The following NECTIN1 variants were observed in gnomAD, a reference collection of about 807,000 sequenced individuals.
NECTIN1 encodes nectin cell adhesion molecule 1, also known as nectin-1.
Under a neutral mutation model 48.0 loss-of-function variants are expected in NECTIN1, and 23 were observed. The ratio of observed to expected loss-of-function variants is 0.48; its 90% CI spans 0.34 to 0.68. NECTIN1 has a LOEUF of 0.68. NECTIN1 is among the 30% of genes least tolerant of loss of function. NECTIN1 has a pLI of 0.01. For missense variants in NECTIN1, 591 were observed against 709.9 expected, an observed-to-expected ratio of 0.83 and a Z score of 1.90; for synonymous variants, 270 against 288.9, an observed-to-expected ratio of 0.93 and a Z score of 0.66.
chr11:119,702,713 A>C (rs1337957943), intron 1 of NECTIN1, among the ~76,000 whole-genome samples: 1 of 152,096 alleles, frequency 6.6e-6, no homozygotes, highest in Non-Finnish European at 1.5e-5. Context: ...GAGAATAATC[A>C]CTCCCTCAAA....
At chr11:119,701,274 C>T (rs139485302) in intron 1 of NECTIN1, among the ~76,000 whole-genome samples, 71 of 152,276 alleles carry the variant, frequency 4.7e-4, no homozygotes, top group African/African-American at 1.7e-3. Flanking sequence ...CAGAACCTTC[C>T]AGAGCTTTAC....
rs367791177 is a variant in NECTIN1 at position 119,677,761 on chromosome 11, T to C, written c.527A>G (p.Asn176Ser). 70 of 1,613,970 alleles carry C rather than the reference T, an allele frequency of 4.3e-5. No individual in the cohort carries two copies. Among genetic ancestry groups the C allele is most frequent in the Non-Finnish European group, 5.8e-5 (68 of 1,180,008 alleles). Residue 176 changes from asparagine (N) to serine (S), a missense_variant, in exon 3 of 6, where the codon AAT (asparagine) becomes AGT (serine). Asn to Ser is a conservative substitution (Grantham distance 46). Transcript: ENST00000264025. The surrounding 1 kb of genome is among the most constrained non-coding windows in gnomAD (Gnocchi z 5.4). ...GGATACCACACTGGGAGGCTTCCCATTGGCTGAGGTGCAGGTGGCCACCAG... is the reference window on the plus strand; with the variant it reads ...GGATACCACACTGGGAGGCTTCCCACTGGCTGAGGTGCAGGTGGCCACCAG... ...KVLVATCTSANGKPPSVVSWE... is the reference protein window; with the variant it reads ...KVLVATCTSASGKPPSVVSWE...
chr11:119,684,050 C>T lies in NECTIN1; in HGVS notation c.80-5285G>A, dbSNP rs114484687. On this transcript the variant is annotated intron_variant, in intron 1 of 5. Transcript: ENST00000264025. This position sits in a 1 kb window ranked among gnomAD's most constrained non-coding sequence, Gnocchi z 5.2. ...GGCCCTGCCTGCCATGGAGCTCATC[C>T]GCAAGCCAGTGCCACAGGTTCCCAC... Among the ~76,000 whole-genome samples, 530 of 152,332 alleles carry T rather than the reference C, an allele frequency of 3.5e-3. 4 individuals carry two copies. The highest frequency in any genetic ancestry group is 0.012 in the East Asian group (64 of 5,178).
intron 5 of NECTIN1, among the ~76,000 whole-genome samples, chr11:119,644,102 C>T (rs1046676759): frequency 2.6e-5 from 4 of 152,204 alleles, no homozygotes; most frequent in Admixed American, 1.3e-4. Flanking sequence ...TGGCTCACGC[C>T]GCAAGGATGG....
Position 119,728,597 on chromosome 11 carries a change from C to T in NECTIN1, c.-44G>A, listed in dbSNP as rs746044015. 1.4e-6 allele frequency: 2 copies of T among 1,386,024 alleles called. No individual in the cohort carries two copies. The highest frequency in any genetic ancestry group is 2.7e-5 in the South Asian group (2 of 74,492). The allele number at this position is 1,386,024 out of a possible 1,614,324, so 85.9% of individuals were successfully genotyped here. On this transcript the variant is annotated 5_prime_UTR_variant, in exon 1 of 6. Transcript: ENST00000264025. Reference sequence around the variant, plus strand: ...CGAGAGGGGCGGCGAGGGCAGCGCTCCTCGCGCAGCAGAAACCAGCCCGGA... The same window carrying T: ...CGAGAGGGGCGGCGAGGGCAGCGCTTCTCGCGCAGCAGAAACCAGCCCGGA...
At position 119,664,936 on chromosome 11, in the gene NECTIN1, G is replaced by A. The variant is rs754631670; in HGVS notation, c.1365C>T (p.Gly455=). 6.2e-7 allele frequency: 1 copy of A among 1,613,540 alleles called. No homozygotes were observed. The highest frequency in any genetic ancestry group is 1.7e-5 in the Admixed American group (1 of 59,950). The change falls in exon 6 of 6, where the codon GGC becomes GGT. Residue 455 remains glycine, a synonymous_variant. Coordinates refer to ENST00000264025, the MANE Select transcript of NECTIN1 (RefSeq NM_002855.5). ...CGTCCTCGTCATATTTGGGGTGGGG[G>A]CCGCCCACCTTGCGCTCGCCCCCTC... ...GGGGGERKVG[G]PHPKYDEDAK...
intron 5 of NECTIN1, chr11:119,641,868 ACCC>A (rs1864331327): frequency 6.8e-6 from 1 of 146,510 alleles, no homozygotes; most frequent in Admixed American, 6.8e-5. Context: ...GACTACAGGG[ACCC>A]GCCACCAGGC....
chr11:119,679,030 A>C (rs1865014048), intron 1 of NECTIN1, among the ~76,000 whole-genome samples: 1 of 152,236 alleles, frequency 6.6e-6, no homozygotes, highest in African/African-American at 2.4e-5. Flanking sequence ...ATATCCACAT[A>C]ACCATCTATC....
intron 1 of NECTIN1, among the ~76,000 whole-genome samples, chr11:119,690,763 G>A (rs1458913365): frequency 6.6e-6 from 1 of 152,182 alleles, no homozygotes; most frequent in Non-Finnish European, 1.5e-5. Flanking sequence ...GGTGGGGCCT[G>A]GGGTGGGGAG....
chr11:119,664,733 C>T lies in NECTIN1; in HGVS notation c.*14G>A, dbSNP rs751669551. 6.2e-7 allele frequency: 1 copy of T among 1,600,080 alleles called. No homozygotes were observed. Among genetic ancestry groups the T allele is most frequent in the African/African-American group, 1.3e-5 (1 of 74,708 alleles). On this transcript the variant is annotated 3_prime_UTR_variant, in exon 6 of 6. Transcript: ENST00000264025. ...GGGGAGGAGCGGTCACAGACAGAGG[C>T]TCTGGAAGGGGGGCTACACGTACCA...
At chr11:119,692,316 C>T (rs886234542) in intron 1 of NECTIN1, among the ~76,000 whole-genome samples, 2 of 152,244 alleles carry the variant, frequency 1.3e-5, no homozygotes, top group African/African-American at 4.8e-5. Flanking sequence ...CCTCGGTGGC[C>T]ACCTGCTTCC....
At chr11:119,658,059 G>A (rs1282918897), downstream of NECTIN1, among the ~76,000 whole-genome samples, 2 of 152,000 alleles carry the variant, frequency 1.3e-5, no homozygotes, top group African/African-American at 2.4e-5. Context: ...AGTTCTCTGC[G>A]CTCAATGGGG....
chr11:119,638,717 T>C, intron 7 of NECTIN1: 1 of 1,611,628 alleles, frequency 6.2e-7, no homozygotes, highest in East Asian at 2.2e-5. Flanking sequence ...TGTCCTCTGC[T>C]GCCTCAGGCC....
chr11:119,651,198 G>A (rs563932065), intron 5 of NECTIN1, among the ~76,000 whole-genome samples: 12 of 152,260 alleles, frequency 7.9e-5, no homozygotes, highest in South Asian at 2.1e-4. Context: ...TGTTTCAGAG[G>A]GAGAGCCTTC....
At chr11:119,642,181 CCGGG>C (rs10597946) in intron 5 of NECTIN1, 151,651 of 152,196 alleles carry the variant, frequency 1, 75,554 homozygotes, top group Middle Eastern at 1. Context: ...AGAGGGTCCA[CCGGG>C]CGGGCCTCTG....
chr11:119,659,088 C>T (rs1438555538), downstream of NECTIN1: 1 of 152,238 alleles, frequency 6.6e-6, no homozygotes, highest in Non-Finnish European at 1.5e-5. Context: ...TCCTCCCAAA[C>T]ACAATGACCC....
At chr11:119,702,631 T>A (rs1865477297) in intron 1 of NECTIN1, among the ~76,000 whole-genome samples, 2 of 152,216 alleles carry the variant, frequency 1.3e-5, no homozygotes, top group Non-Finnish European at 2.9e-5. Flanking sequence ...GACTCCAGGC[T>A]CCTGGGTTCA....
intron 1 of NECTIN1, among the ~76,000 whole-genome samples, chr11:119,693,372 C>G (rs752466890): frequency 6.6e-6 from 1 of 152,194 alleles, no homozygotes; most frequent in Non-Finnish European, 1.5e-5. Flanking sequence ...GACAGCTGCA[C>G]GCATCAAGCA....
At chr11:119,657,774 A>ATAATAATAATAATAATAC (rs1307590815), downstream of NECTIN1, among the ~76,000 whole-genome samples, 21 of 146,998 alleles carry the variant, frequency 1.4e-4, no homozygotes, top group African/African-American at 5.2e-4. Context: ...AATAATAATA[A>ATAATAATAATAATAATAC]TACTAGCTGG....
Sources: allele counts gnomAD v4.1 joint callset (sites outside exome capture counted in the v4.1 genomes callset), GRCh38; gene constraint gnomAD v4.1.1; non-coding constraint Gnocchi (gnomAD v3.1); transcripts MANE v1.5; gene names NCBI Gene and HGNC (gene_info 2026-07-23, HGNC 2026-07-21).